The following PCNX1 variants were observed in gnomAD, a reference collection of about 807,000 sequenced individuals.
PCNX1 encodes pecanex 1.
Under a neutral mutation model 242.2 loss-of-function variants are expected in PCNX1, and 78 were observed. The ratio of observed to expected loss-of-function variants is 0.32; its 90% confidence interval spans 0.27 to 0.39. The LOEUF is 0.39. Among genes scored for constraint, PCNX1 ranks in the 10% least tolerant of loss-of-function variants. The pLI is 1.00. For synonymous variants in PCNX1, 1,024 were observed against 1,032.9 expected (o/e 0.99, Z 0.17); for missense variants, 2,581 against 2,856.5 (o/e 0.90, Z 2.20).
Position 71,088,509 on chromosome 14 carries a change from G to A in PCNX1, c.5438+79G>A, listed in dbSNP as rs573889302. ...AAATCTAAAATGATTTTTCATGGAC[G>A]CATGTATTCTATGCTAATTTATTGT... On this transcript the variant is annotated intron_variant, in intron 29 of 35. Coordinates refer to ENST00000304743, the MANE Select transcript of PCNX1 (RefSeq NM_014982.3). The A allele has an allele frequency of 1.7e-4, 134 of 792,576 alleles. 1 individual carries two copies. Among genetic ancestry groups the A allele is most frequent in the Non-Finnish European group, 2.6e-4 (121 of 458,884 alleles). The allele number at this position is 792,576 out of a possible 1,614,324, so 49.1% of individuals were successfully genotyped here.
At chr14:70,938,711 T>C (rs1594951579) in intron 1 of PCNX1, among the ~76,000 whole-genome samples, 2 of 152,308 alleles carry the variant, frequency 1.3e-5, no homozygotes, top group South Asian at 4.1e-4. Flanking sequence ...ATGGTACCAG[T>C]TCCTCCTTAT....
At chr14:71,080,537 C>G (rs989311418) in intron 28 of PCNX1, among the ~76,000 whole-genome samples, 1 of 152,146 alleles carries the variant, frequency 6.6e-6, no homozygotes, top group African/African-American at 2.4e-5. Context: ...TTTGTGTCCT[C>G]TCTTATTTCC....
At chr14:70,973,346 C>G (rs1049197877) in intron 5 of PCNX1, among the ~76,000 whole-genome samples, 1 of 151,636 alleles carries the variant, frequency 6.6e-6, no homozygotes, top group African/African-American at 2.4e-5. Flanking sequence ...GTAGGAACAA[C>G]TAGTGAGATC....
intron 1 of PCNX1, among the ~76,000 whole-genome samples, chr14:70,938,861 G>A (rs766880613): frequency 1.1e-4 from 17 of 152,052 alleles, no homozygotes; most frequent in African/African-American, 4.1e-4. Flanking sequence ...GTCTTGGGAG[G>A]GTGTATGTGT....
At chr14:70,962,779 C>G (rs969126423) in intron 3 of PCNX1, among the ~76,000 whole-genome samples, 5 of 152,212 alleles carry the variant, frequency 3.3e-5, no homozygotes, top group Non-Finnish European at 7.3e-5. Context: ...TAATGTCTTT[C>G]TACTATGTAA....
chr14:70,948,834 AAAT>A (rs1466164600), intron 2 of PCNX1, among the ~76,000 whole-genome samples: 1 of 146,198 alleles, frequency 6.8e-6, no homozygotes, highest in Non-Finnish European at 1.5e-5. Flanking sequence ...TTACTCGTAT[AAAT>A]AAAATGTATG....
intron 16 of PCNX1, among the ~76,000 whole-genome samples, chr14:71,029,555 T>C (rs1398939398): frequency 1.3e-5 from 2 of 152,222 alleles, no homozygotes; most frequent in African/African-American, 4.8e-5. Flanking sequence ...TCAGCCAGCA[T>C]GTTCAAGACA....
At chr14:70,985,797 C>T (rs960516359) in intron 6 of PCNX1, among the ~76,000 whole-genome samples, 1 of 152,100 alleles carries the variant, frequency 6.6e-6, no homozygotes, top group African/African-American at 2.4e-5. Context: ...TAATTTCATT[C>T]TTCTTTGCCA....
At chr14:71,000,821 C>T (rs967720342) in intron 8 of PCNX1, among the ~76,000 whole-genome samples, 3 of 152,046 alleles carry the variant, frequency 2.0e-5, no homozygotes, top group African/African-American at 2.4e-5. Context: ...CCACCATGCC[C>T]GGCCTCTTTG....
At chr14:71,036,292 C>T (rs191976576) in intron 19 of PCNX1, 135 bp downstream of exon 19, 320 of 620,814 alleles carry the variant, frequency 5.2e-4, no homozygotes, top group Non-Finnish European at 8.3e-4. Context: ...GATCCTCCCA[C>T]GTAGCTAGGA....
At chr14:70,987,666 G>T (rs1411158420) in intron 6 of PCNX1, among the ~76,000 whole-genome samples, 2 of 152,082 alleles carry the variant, frequency 1.3e-5, no homozygotes, top group Non-Finnish European at 2.9e-5. Flanking sequence ...ATATTTAAAT[G>T]GATGAAAATC....
intron 2 of PCNX1, among the ~76,000 whole-genome samples, chr14:70,949,431 A>G (rs548476775): frequency 4.0e-5 from 6 of 151,592 alleles, no homozygotes; most frequent in Admixed American, 6.6e-5. Context: ...ATATACACGT[A>G]TATATGTGTA....
rs1452522596 is a variant in PCNX1 at position 71,051,193 on chromosome 14, AAAAAAT to A, written c.4447+434_4447+439del. On this transcript the variant is annotated intron_variant, in intron 23 of 35. Transcript: ENST00000304743. ...CAAAAAAAAAAAAAAAAAAAAAAAA[AAAAAAT>A]CATAACCTTTTATATCCACACCTAT... Among the ~76,000 whole-genome samples the A allele has an allele frequency of 2.0e-3, 298 of 149,290 alleles. 12 individuals are homozygous for A. Among genetic ancestry groups the A allele is most frequent in the East Asian group, 4.9e-3 (25 of 5,116 alleles).
intron 7 of PCNX1, among the ~76,000 whole-genome samples, chr14:70,990,076 G>T (rs1032181304): frequency 4.9e-4 from 75 of 152,052 alleles, no homozygotes; most frequent in Admixed American, 1.6e-3. Flanking sequence ...CAAAATCCTT[G>T]TTTCTTTAAA....
intron 1 of PCNX1, among the ~76,000 whole-genome samples, chr14:70,928,574 T>C (rs1036709589): frequency 6.6e-6 from 1 of 152,226 alleles, no homozygotes; most frequent in African/African-American, 2.4e-5. Context: ...CAAAAGGAAA[T>C]ATTAATGAAG....
chr14:71,079,091 C>T (rs1037485551), intron 28 of PCNX1, among the ~76,000 whole-genome samples: 2 of 152,184 alleles, frequency 1.3e-5, no homozygotes, highest in African/African-American at 4.8e-5. Context: ...TGAGTGAGAA[C>T]ATCCAGTGTT....
intron 12 of PCNX1, among the ~76,000 whole-genome samples, chr14:71,022,043 T>C (rs1359316749): frequency 2.6e-5 from 4 of 152,196 alleles, no homozygotes; most frequent in Non-Finnish European, 5.9e-5. Context: ...ATTTTAAAAA[T>C]AGCAAATTAA....
At chr14:70,948,716 T>C (rs1464329566) in intron 2 of PCNX1, among the ~76,000 whole-genome samples, 1 of 149,238 alleles carries the variant, frequency 6.7e-6, no homozygotes, top group African/African-American at 2.5e-5. Context: ...CACATACACA[T>C]AAGTGTATAT....
At chr14:71,035,681 G>T (rs933405923) in intron 18 of PCNX1, among the ~76,000 whole-genome samples, 1 of 150,308 alleles carries the variant, frequency 6.7e-6, no homozygotes, top group East Asian at 2.0e-4. Flanking sequence ...CAAGATGGGC[G>T]TATATCACTT....
Sources: gnomAD v4.1 joint callset for allele counts (sites outside exome capture counted in the v4.1 genomes callset) on GRCh38, gnomAD v4.1.1 for gene constraint, MANE v1.5 for transcripts, NCBI Gene and HGNC (gene_info 2026-07-23, HGNC 2026-07-21) for gene names.